Variants in CASTOR1 observed in about 807,000 individuals in gnomAD.
CASTOR1 encodes the protein GATS protein like 3.
CASTOR1 carries 18 observed loss-of-function variants against 33.7 expected under a neutral mutation model. That is an observed-to-expected ratio of 0.53 (90% confidence interval 0.37 to 0.79). The LOEUF (loss-of-function observed/expected upper bound fraction) is 0.79. CASTOR1 is among the 30% of genes least tolerant of loss of function. CASTOR1 has a pLI of 0.00. For synonymous variants in CASTOR1, 175 were observed against 190.6 expected (o/e 0.92, Z 0.67); for missense variants, 362 against 446.3 (o/e 0.81, Z 1.70).
chr22:30,286,801 C>G, intron 5 of CASTOR1, 24 bp downstream of exon 5: 1 of 1,613,736 alleles, frequency 6.2e-7, no homozygotes, highest in South Asian at 1.1e-5. Context: ...GCTGTGAGGA[C>G]AAAGACGAAG....
chr22:30,287,697 C>T (rs1929817145), intron 2 of CASTOR1, 137 bp from the exon 3 acceptor site: 3 of 821,460 alleles, frequency 3.7e-6, no homozygotes, highest in Non-Finnish European at 5.9e-6. Context: ...TCCTGAAGTC[C>T]CTATGTGTGC....
intron 6 of CASTOR1, 46 bp downstream of exon 6, chr22:30,286,217 G>A (rs1601661904): frequency 6.7e-7 from 1 of 1,494,510 alleles, no homozygotes; most frequent in Non-Finnish European, 9.3e-7. Context: ...TCCCTGCCTG[G>A]GACTGGCTGG....
chr22:30,288,557 C>G, intron 2 of CASTOR1, 149 bp downstream of exon 2: 1 of 634,546 alleles, frequency 1.6e-6, no homozygotes, highest in Non-Finnish European at 2.8e-6. Flanking sequence ...GGCACACAGC[C>G]AGGGAGTGGT....
Position 30,289,431 on chromosome 22 carries a change from AGAGCCAGAGACCGGGACG to A in CASTOR1, c.49_66del (p.Arg17_Leu22del). 1 of 1,601,000 alleles carries A rather than the reference AGAGCCAGAGACCGGGACG, an allele frequency of 6.2e-7. No homozygotes were observed. The highest frequency in any genetic ancestry group is 8.5e-7 in the Non-Finnish European group (1 of 1,177,570). On this transcript the variant is annotated inframe_deletion, in exon 1 of 9. Coordinates refer to ENST00000407689, the MANE Select transcript of CASTOR1 (RefSeq NM_001037666.3). ...AGCAGCTTGATGAGCGGGTGGGTGT[AGAGCCAGAGACCGGGACG>A]GGCGACGCTCAGCACCCGCACCCGG...
intron 1 of CASTOR1, chr22:30,289,177 T>A: frequency 1.7e-6 from 1 of 585,224 alleles, no homozygotes; most frequent in Non-Finnish European, 3.0e-6. Context: ...TCCCAGGCTG[T>A]TTGCGCTTTG....
Position 30,286,030 on chromosome 22 carries a change from T to A in CASTOR1, c.812A>T (p.Gln271Leu), listed in dbSNP as rs1241611854. 4 of 1,594,164 alleles carry A rather than the reference T, an allele frequency of 2.5e-6. No individual in the cohort carries two copies. In the African/African-American group the frequency reaches 5.4e-5, roughly 21 times the overall value. The change falls in exon 7 of 9, where the codon CAG (glutamine) becomes CTG (leucine). Residue 271 changes from glutamine to leucine, a missense_variant. Coordinates refer to ENST00000407689, the MANE Select transcript of CASTOR1 (RefSeq NM_001037666.3). ...ELWRMVRIGG[Q>L]PLGFDECGIV... ...ACAGCCCTCACCAAAGCCCAGGGGC[T>A]GTCCACCGATGCGCACCATCCTCCA...
chr22:30,285,704 C>A lies in CASTOR1; in HGVS notation c.922-16G>T. 1 of 1,555,788 alleles carries A rather than the reference C, an allele frequency of 6.4e-7. No individual in the cohort carries two copies. Among genetic ancestry groups the A allele is most frequent in the Non-Finnish European group, 8.7e-7 (1 of 1,149,720 alleles). ...CCTCGGGCACCTGAGGGCAGGTGGG[C>A]AGGAGGGAAGGGTCAAGGCGGAAGC... On this transcript the variant is annotated splice_polypyrimidine_tract_variant and intron_variant, in intron 8 of 8. Coordinates refer to ENST00000407689, the MANE Select transcript of CASTOR1 (RefSeq NM_001037666.3).
Position 30,288,780 on chromosome 22 carries a change from G to C in CASTOR1, c.114-4C>G. 2 of 1,609,876 alleles carry C rather than the reference G, an allele frequency of 1.2e-6. No homozygotes were observed. Among genetic ancestry groups the C allele is most frequent in the Non-Finnish European group, 8.5e-7 (1 of 1,178,356 alleles). On this transcript the variant is annotated splice_region_variant and splice_polypyrimidine_tract_variant and intron_variant, in intron 1 of 8. Coordinates refer to ENST00000407689, the MANE Select transcript of CASTOR1 (RefSeq NM_001037666.3). ...CGTCAGGCTGAAGAACTTGCACCTG[G>C]TTGGGGGTGGGGAGCATCTTCAGCT...
Position 30,289,456 on chromosome 22 carries a change from G to A in CASTOR1, c.42C>T (p.Ser14=), listed in dbSNP as rs1264368422. The A allele has an allele frequency of 1.3e-6, 2 of 1,598,888 alleles. No homozygotes were observed. Among genetic ancestry groups the A allele is most frequent in the Admixed American group, 3.4e-5 (2 of 59,472 alleles). The change falls in exon 1 of 9, where the codon AGC becomes AGT. Residue 14 remains serine, a synonymous_variant. Coordinates refer to ENST00000407689, the MANE Select transcript of CASTOR1 (RefSeq NM_001037666.3). Reference sequence around the variant, plus strand: ...AGAGCCAGAGACCGGGACGGGCGACGCTCAGCACCCGCACCCGGTGTTCTA... The same window carrying A: ...AGAGCCAGAGACCGGGACGGGCGACACTCAGCACCCGCACCCGGTGTTCTA... ...HILEHRVRVL[S]VARPGLWLYT...
At chr22:30,288,659 G>A in intron 2 of CASTOR1, 47 bp downstream of exon 2, 3 of 1,503,622 alleles carry the variant, frequency 2.0e-6, no homozygotes, top group Non-Finnish European at 2.8e-6. Flanking sequence ...CAGAAGGGGA[G>A]CACGACAAGC....
At chr22:30,288,404 C>T (rs959495554) in intron 2 of CASTOR1, among the ~76,000 whole-genome samples, 1 of 152,176 alleles carries the variant, frequency 6.6e-6, no homozygotes, top group Non-Finnish European at 1.5e-5. Context: ...AACAGAGGCC[C>T]TTCTGCAGGC....
chr22:30,285,809 C>CTGCCCCAGCCCTTGGTGCTCCCCA, intron 8 of CASTOR1, 23 bp downstream of exon 8: 1 of 1,450,564 alleles, frequency 6.9e-7, no homozygotes, highest in Non-Finnish European at 9.0e-7. Flanking sequence ...ACTCTCCCCT[C>CTGCCCCAGCCCTTGGTGCTCCCCA]TGCCCCAGCC....
At chr22:30,287,083 G>A (rs763644020) in intron 4 of CASTOR1, 72 bp downstream of exon 4, 3 of 1,553,800 alleles carry the variant, frequency 1.9e-6, no homozygotes, top group Middle Eastern at 1.7e-4. Flanking sequence ...CCCCACTGGG[G>A]CCCAAAAGGG....
At chr22:30,287,886 T>A in intron 2 of CASTOR1, 1 of 564,852 alleles carries the variant, frequency 1.8e-6, no homozygotes, top group Non-Finnish European at 3.3e-6. Context: ...CGACAATATC[T>A]ACCTCACTAC....
rs532633502 is a variant in CASTOR1, at chr22:30,288,575, G to C, written c.184+131C>G. 5 of 696,262 alleles carry C rather than the reference G, an allele frequency of 7.2e-6. No individual in the cohort carries two copies. In the African/African-American group the frequency reaches 9.2e-5, roughly 13 times the overall value. 43.1% of individuals were successfully genotyped at this position (696,262 alleles called of 1,614,324 possible). A position where few individuals can be genotyped will look rare whatever the true frequency, so the allele number is the denominator to read the frequency against. ...ACACAGCCAGGGAGTGGTGGAGTAG[G>C]ATTCGAACCCCGACCCATCTGCTTT... is the stretch of plus-strand genomic sequence containing the variant. On this transcript the variant is annotated intron_variant, in intron 2 of 8. Transcript: ENST00000407689.
intron 4 of CASTOR1, 94 bp from the exon 5 acceptor site, chr22:30,287,042 T>C: frequency 6.4e-7 from 1 of 1,553,540 alleles, no homozygotes; most frequent in Non-Finnish European, 8.7e-7. Context: ...GGGCAGGTCT[T>C]GCTATCCAGG....
At chr22:30,288,845 A>G (rs1363694694) in intron 1 of CASTOR1, 69 bp from the exon 2 acceptor site, 1 of 1,353,814 alleles carries the variant, frequency 7.4e-7, no homozygotes, top group East Asian at 2.5e-5. Context: ...ATTTCTCTCC[A>G]TCTGCCCCGA....
chr22:30,287,284 G>A lies in CASTOR1; in HGVS notation c.376C>T (p.Arg126Trp), dbSNP rs1463830300. 6.4e-7 allele frequency: 1 copy of A among 1,571,980 alleles called. No individual in the cohort carries two copies. Among genetic ancestry groups the A allele is most frequent in the Non-Finnish European group, 8.7e-7 (1 of 1,154,682 alleles). ...STYQTDFILV[R>W]EQDLSVVIHT... ...ATCACCACGGACAGGTCCTGCTCCC[G>A]CACCTGGGCCACAGCAGATGGCACA... Residue 126 changes from arginine to tryptophan, a missense_variant, in exon 4 of 9, where the codon CGG becomes TGG. Coordinates refer to ENST00000407689, the MANE Select transcript of CASTOR1 (RefSeq NM_001037666.3).
At chr22:30,286,217 G>T in intron 6 of CASTOR1, 46 bp downstream of exon 6, 1 of 1,494,508 alleles carries the variant, frequency 6.7e-7, no homozygotes, top group Non-Finnish European at 9.3e-7. Context: ...TCCCTGCCTG[G>T]GACTGGCTGG....
Sources: allele counts gnomAD v4.1 joint callset (sites outside exome capture counted in the v4.1 genomes callset), GRCh38; gene constraint gnomAD v4.1.1; transcripts MANE v1.5; gene names NCBI Gene and HGNC (gene_info 2026-07-23, HGNC 2026-07-21).